LSP1: variants seen among roughly 807,000 people sequenced by gnomAD.
LSP1 encodes the protein lymphocyte specific protein 1.
A neutral mutation model predicts 49.3 loss-of-function variants in LSP1; 32 were observed. The ratio of observed to expected loss-of-function variants is 0.65; its 90% CI spans 0.49 to 0.87. The LOEUF is 0.87. LSP1 is among the 40% of genes least tolerant of loss of function. The pLI is 0.00. For synonymous variants in LSP1, 179 were observed against 178.8 expected, an observed-to-expected ratio of 1.00 and a Z score of -0.01; for missense variants, 428 against 442.6, an observed-to-expected ratio of 0.97 and a Z score of 0.30.
chr11:1,867,871 C>G (rs1046028552), intron 1 of LSP1, among the ~76,000 whole-genome samples: 2 of 143,582 alleles, frequency 1.4e-5, no homozygotes, highest in Non-Finnish European at 3.0e-5. Flanking sequence ...ACACCCAGTG[C>G]AAGCCCAGGG....
rs866185409 is a variant in LSP1, at chr11:1,881,603, G to A, written c.356+7G>A. The A allele has an allele frequency of 7.3e-7, 1 of 1,362,956 alleles. No homozygotes were observed. Among genetic ancestry groups the A allele is most frequent in the South Asian group, 1.7e-5 (1 of 60,292 alleles). The allele number at this position is 1,362,956 out of a possible 1,614,324, so 84.4% of individuals were successfully genotyped here. ...AGGGGGAGCAAGAGGACAGGTGAGT[G>A]AGGGCCTCGAGGGCGGGCGCTGGGC... On this transcript the variant is annotated splice_region_variant and intron_variant, in intron 3 of 10. Coordinates refer to ENST00000311604, the MANE Select transcript of LSP1 (RefSeq NM_002339.3).
rs141158093 is a variant in LSP1, at chr11:1,865,498, C to T, written c.53+12301C>T. On this transcript the variant is annotated intron_variant, in intron 1 of 10. Transcript: ENST00000311604. ...TGCCCATGCATTCTCCTTCCCCATC[C>T]CACCTGCACTGCCGGCTGCGCTGTC... is the stretch of plus-strand genomic sequence containing the variant. Among the ~76,000 whole-genome samples the T allele has an allele frequency of 1.4e-4, 21 of 151,784 alleles. No individual in the cohort carries two copies. The East Asian group carries it at 4.1e-3, about 30-fold the overall frequency.
At chr11:1,877,226 C>T (rs1848349741) in intron 1 of LSP1, among the ~76,000 whole-genome samples, 1 of 152,106 alleles carries the variant, frequency 6.6e-6, no homozygotes, top group African/African-American at 2.4e-5. Flanking sequence ...CAGAACGGAG[C>T]CCAGCTGTGG....
At chr11:1,868,652 G>C (rs1589812604) in intron 1 of LSP1, 1 of 985,758 alleles carries the variant, frequency 1.0e-6, no homozygotes, top group East Asian at 1.1e-4. Context: ...TCCTGAGGGT[G>C]GGGTAGCCCC....
intron 1 of LSP1, chr11:1,865,337 C>A (rs997182762): frequency 4.5e-6 from 3 of 668,932 alleles, no homozygotes; most frequent in African/African-American, 2.0e-5. Context: ...ATGCACCGGG[C>A]CACTGGGCCT....
intron 1 of LSP1, among the ~76,000 whole-genome samples, chr11:1,874,472 G>A (rs1245786784): frequency 6.6e-6 from 1 of 152,148 alleles, no homozygotes; most frequent in Non-Finnish European, 1.5e-5. Context: ...GAGACTCAGG[G>A]CTGTTCAGGG....
chr11:1,889,809 G>C (rs1181955236), intron 10 of LSP1: 1 of 638,846 alleles, frequency 1.6e-6, no homozygotes, highest in South Asian at 1.8e-5. Flanking sequence ...AGCCTCTCTG[G>C]GCACTGAGGC....
At chr11:1,860,281 G>A (rs1270813122) in intron 1 of LSP1, among the ~76,000 whole-genome samples, 1 of 142,892 alleles carries the variant, frequency 7.0e-6, no homozygotes, top group Non-Finnish European at 1.5e-5. Flanking sequence ...ATGATGGATG[G>A]ATGGATAATT....
intron 1 of LSP1, chr11:1,869,560 C>A: frequency 4.4e-6 from 2 of 455,204 alleles, no homozygotes; most frequent in South Asian, 1.6e-5. Context: ...TTGCCGCCGA[C>A]CCCAGGTGTG....
intron 1 of LSP1, among the ~76,000 whole-genome samples, chr11:1,871,775 C>CTGGCGCA (rs1183533790): frequency 6.8e-6 from 1 of 146,780 alleles, no homozygotes. Flanking sequence ...TGTAGTCACC[C>CTGGCGCA]CAGCCCGTGC....
intron 1 of LSP1, among the ~76,000 whole-genome samples, chr11:1,868,067 T>C (rs970692294): frequency 6.6e-6 from 1 of 152,158 alleles, no homozygotes; most frequent in African/African-American, 2.4e-5. Context: ...CCTGGGCAAC[T>C]CGGGGCTCTC....
At chr11:1,856,881 A>G (rs2133053972) in intron 1 of LSP1, among the ~76,000 whole-genome samples, 1 of 152,316 alleles carries the variant, frequency 6.6e-6, no homozygotes, top group South Asian at 2.1e-4. Context: ...ACGACTGCTC[A>G]GGAAAGAGGG....
At chr11:1,868,692 G>C (rs999293794) in intron 1 of LSP1, 2 of 985,682 alleles carry the variant, frequency 2.0e-6, no homozygotes, top group African/African-American at 1.7e-5. Context: ...GTCGGTCTTC[G>C]GACAGAGCCC....
At chr11:1,870,349 C>T (rs1227747257) in intron 1 of LSP1, 9 of 1,273,970 alleles carry the variant, frequency 7.1e-6, no homozygotes, top group South Asian at 2.5e-5. Flanking sequence ...GGACATACAC[C>T]GGGGAGTCTC....
chr11:1,854,510 T>A (rs1419181371), intron 1 of LSP1, among the ~76,000 whole-genome samples: 1 of 152,156 alleles, frequency 6.6e-6, no homozygotes. Context: ...GGGTCTGGTA[T>A]GTGTGAGGGG....
At position 1,886,550 on chromosome 11, in the gene LSP1, C is replaced by G. The variant is rs182572045; in HGVS notation, c.718-182C>G. Among the ~76,000 whole-genome samples, 266 of 152,384 alleles carry G rather than the reference C, an allele frequency of 1.7e-3. 3 individuals are homozygous for G. The highest frequency in any genetic ancestry group is 6.0e-3 in the African/African-American group (250 of 41,592). On this transcript the variant is annotated intron_variant, in intron 7 of 10. Transcript: ENST00000311604. ...GATGCTCTTCAGGACAGGGAGGTGT[C>G]TCACAACTGCATCGAATGGAGGAAG...
chr11:1,883,451 G>C lies in LSP1; in HGVS notation c.389G>C (p.Ser130Thr). 1 of 1,614,110 alleles carries C rather than the reference G, an allele frequency of 6.2e-7. No homozygotes were observed. The highest frequency in any genetic ancestry group is 8.5e-7 in the Non-Finnish European group (1 of 1,180,014). ...CTGCATGCCTACGAAAAGGAGGACA[G>C]TGATGAAGTCCACCTGGAGGAGTTG... The part of the protein sequence containing the change: ...PGLHAYEKED[S>T]DEVHLEELSL... Residue 130 changes from serine (S) to threonine (T), a missense_variant, in exon 4 of 11, where the codon AGT (serine) becomes ACT (threonine). Transcript: ENST00000311604.
chr11:1,868,883 G>A (rs774615991), intron 1 of LSP1: 117 of 985,758 alleles, frequency 1.2e-4, no homozygotes, highest in South Asian at 1.4e-4. Flanking sequence ...CTGGGCACTC[G>A]ACCCCCAGAT....
At chr11:1,879,965 C>A in intron 1 of LSP1, 122 bp from the exon 2 acceptor site, 1 of 1,225,118 alleles carries the variant, frequency 8.2e-7, no homozygotes, top group Non-Finnish European at 1.1e-6. Flanking sequence ...CTGGGACTGA[C>A]CTCGTGGACA....
Sources: gnomAD v4.1 joint callset for allele counts (sites outside exome capture counted in the v4.1 genomes callset) on GRCh38, gnomAD v4.1.1 for gene constraint, MANE v1.5 for transcripts, NCBI Gene and HGNC (gene_info 2026-07-23, HGNC 2026-07-21) for gene names.